The following TSPAN9 variants were observed in gnomAD, a reference collection of about 807,000 sequenced individuals.
The protein encoded by TSPAN9 is tetraspanin 9, also known as tetraspanin-9.
A neutral mutation model predicts 31.0 loss-of-function variants in TSPAN9; 16 were observed. The ratio of observed to expected loss-of-function variants is 0.52; its 90% confidence interval spans 0.35 to 0.78. The LOEUF (loss-of-function observed/expected upper bound fraction) is 0.78, where lower values mean the gene tolerates loss of function less well. TSPAN9 is among the 30% of genes least tolerant of loss of function. The pLI, the probability that TSPAN9 is intolerant of heterozygous loss-of-function variation, is 0.01. For synonymous variants in TSPAN9, 145 were observed against 121.6 expected, an observed-to-expected ratio of 1.19 and a Z score of -1.27; for missense variants, 272 against 312.5, an observed-to-expected ratio of 0.87 and a Z score of 0.98.
chr12:3,079,137 G>A (rs771608146), intron 1 of TSPAN9, among the ~76,000 whole-genome samples: 68 of 151,834 alleles, frequency 4.5e-4, no homozygotes, highest in Admixed American at 8.5e-4. Context: ...GTGCCGCCAC[G>A]CCTTCTAATT....
chr12:3,200,481 G>A (rs1254636856), intron 2 of TSPAN9: 7 of 152,442 alleles, frequency 4.6e-5, no homozygotes, highest in Admixed American at 4.6e-4. Context: ...CGGCCAAGTG[G>A]TGGGGCTCAG....
At chr12:3,136,231 C>T (rs1407766849) in intron 2 of TSPAN9, among the ~76,000 whole-genome samples, 3 of 152,204 alleles carry the variant, frequency 2.0e-5, no homozygotes, top group Admixed American at 2.0e-4. Context: ...TGGTTTCCTC[C>T]TCTTTGAGGG....
intron 3 of TSPAN9, among the ~76,000 whole-genome samples, chr12:3,216,561 C>T (rs1031298813): frequency 2.6e-5 from 4 of 152,232 alleles, no homozygotes; most frequent in African/African-American, 4.8e-5. Flanking sequence ...GAGGCTTATA[C>T]AGAGAGGGAG....
chr12:3,138,999 G>T (rs59638643), intron 2 of TSPAN9, among the ~76,000 whole-genome samples: 2,636 of 152,234 alleles, frequency 0.017, 64 homozygotes, highest in African/African-American at 0.061. Flanking sequence ...GGCTGTGGAC[G>T]CCCTGAGGAG....
intron 2 of TSPAN9, among the ~76,000 whole-genome samples, chr12:3,179,469 C>G (rs1413455079): frequency 6.6e-6 from 1 of 152,166 alleles, no homozygotes; most frequent in Non-Finnish European, 1.5e-5. Context: ...CTGCTTGGAG[C>G]CTTCAGATGC....
intron 3 of TSPAN9, among the ~76,000 whole-genome samples, chr12:3,274,875 G>T (rs564720328): frequency 6.6e-6 from 1 of 152,238 alleles, no homozygotes; most frequent in Admixed American, 6.5e-5. Flanking sequence ...TGTGCCAGGC[G>T]GGAGCTGTGA....
intron 2 of TSPAN9, among the ~76,000 whole-genome samples, chr12:3,126,251 G>T (rs2098327318): frequency 6.6e-6 from 1 of 152,196 alleles, no homozygotes; most frequent in Non-Finnish European, 1.5e-5. Context: ...CTTCACGACT[G>T]GGCTGTGTTC....
chr12:3,109,031 G>A (rs1035609333), intron 2 of TSPAN9, among the ~76,000 whole-genome samples: 7 of 151,956 alleles, frequency 4.6e-5, no homozygotes, highest in Non-Finnish European at 8.8e-5. Flanking sequence ...CGCCTCTCGG[G>A]TTTACACCAT....
intron 3 of TSPAN9, among the ~76,000 whole-genome samples, chr12:3,265,052 G>A (rs1862516004): frequency 6.6e-6 from 1 of 152,212 alleles, no homozygotes; most frequent in East Asian, 1.9e-4. Context: ...TATTCCCAGG[G>A]TAGGACCCTG....
chr12:3,192,703 A>T lies in TSPAN9; in HGVS notation c.-17-8474A>T, dbSNP rs958307571. Among the ~76,000 whole-genome samples the T allele has an allele frequency of 6.6e-6, 1 of 152,134 alleles. No homozygotes were observed. The highest frequency in any genetic ancestry group is 6.5e-5 in the Admixed American group (1 of 15,280). ...GGTCCAGGTGTGCATTTAGGGGGTC[A>T]ACAGCATGCAGATGGCCCTGGAACG... On this transcript the variant is annotated intron_variant, in intron 2 of 8. Coordinates refer to ENST00000011898, the MANE Select transcript of TSPAN9 (RefSeq NM_006675.5). This position sits in a 1 kb window ranked among gnomAD's most constrained non-coding sequence, Gnocchi z 4.6.
rs372087469 is a variant in TSPAN9, at chr12:3,153,067, T to TGTG, written c.-17-48091_-17-48089dup. ...CGTGCACGCCTGCGCGTGTGTGGGG[T>TGTG]GTGGTGGTGGTGGTGGTGGTGCAGG... On this transcript the variant is annotated intron_variant, in intron 2 of 8. Coordinates refer to ENST00000011898, the MANE Select transcript of TSPAN9 (RefSeq NM_006675.5). Among the ~76,000 whole-genome samples the TGTG allele has an allele frequency of 3.9e-4, 59 of 151,684 alleles. 1 individual carries two copies. The highest frequency in any genetic ancestry group is 4.6e-4 in the Non-Finnish European group (31 of 67,894).
chr12:3,138,043 C>T (rs7964595), intron 2 of TSPAN9, among the ~76,000 whole-genome samples: 65,092 of 151,996 alleles, frequency 0.43, 14,377 homozygotes, highest in Admixed American at 0.52. Flanking sequence ...CCATCCTTGC[C>T]TTCTCTGGGC....
chr12:3,243,462 G>C (rs1287938541), intron 3 of TSPAN9, among the ~76,000 whole-genome samples: 3 of 152,184 alleles, frequency 2.0e-5, no homozygotes, highest in Admixed American at 2.0e-4. Flanking sequence ...CACCAGCTCT[G>C]TCTGACTCAA....
chr12:3,160,788 TG>T (rs1376344334), intron 2 of TSPAN9, among the ~76,000 whole-genome samples: 1 of 152,244 alleles, frequency 6.6e-6, no homozygotes, highest in African/African-American at 2.4e-5. Context: ...ATTGGGTATT[TG>T]TCTTTTTATT....
chr12:3,082,246 G>C (rs905153217), intron 1 of TSPAN9, among the ~76,000 whole-genome samples: 1 of 152,214 alleles, frequency 6.6e-6, no homozygotes, highest in Non-Finnish European at 1.5e-5. Flanking sequence ...AGGGGAGCTT[G>C]CATTTCAACA....
At chr12:3,126,098 T>A (rs1325378309) in intron 2 of TSPAN9, among the ~76,000 whole-genome samples, 1 of 152,228 alleles carries the variant, frequency 6.6e-6, no homozygotes, top group African/African-American at 2.4e-5. Context: ...GTGTAGTGAC[T>A]GTGAACACTT....
intron 2 of TSPAN9, among the ~76,000 whole-genome samples, chr12:3,195,837 C>T (rs1405833278): frequency 6.6e-6 from 1 of 152,220 alleles, no homozygotes; most frequent in Non-Finnish European, 1.5e-5. Context: ...GGCCTGTCCC[C>T]TCCCTGCCTC....
intron 2 of TSPAN9, among the ~76,000 whole-genome samples, chr12:3,085,327 C>G (rs1272156174): frequency 1.3e-5 from 2 of 151,848 alleles, no homozygotes; most frequent in Non-Finnish European, 2.9e-5. Context: ...CCAGACAGAA[C>G]TTGGTGAAGG....
chr12:3,220,283 C>A (rs1005753243), intron 3 of TSPAN9, among the ~76,000 whole-genome samples: 1 of 152,194 alleles, frequency 6.6e-6, no homozygotes, highest in African/African-American at 2.4e-5. Context: ...TACCTTATGT[C>A]TGACTGATTC....
Sources: gnomAD v4.1 joint callset for allele counts (sites outside exome capture counted in the v4.1 genomes callset) on GRCh38, gnomAD v4.1.1 for gene constraint, Gnocchi (gnomAD v3.1) non-coding constraint, MANE v1.5 for transcripts, NCBI Gene and HGNC (gene_info 2026-07-23, HGNC 2026-07-21) for gene names.